KIAA1217: variants seen among roughly 807,000 people sequenced by gnomAD.
KIAA1217 encodes the protein KIAA1217.
A neutral mutation model predicts 163.9 loss-of-function variants in KIAA1217; 88 were observed. The observed-to-expected ratio is 0.54, with a 90% CI of 0.45 to 0.64. The LOEUF (loss-of-function observed/expected upper bound fraction) is 0.64. Ranked by LOEUF, KIAA1217 falls within the 30% of genes least tolerant of loss-of-function variation. The pLI, the probability that KIAA1217 is intolerant of heterozygous loss-of-function variation, is 0.00. For synonymous variants in KIAA1217, 903 were observed against 923.1 expected (o/e 0.98, Z 0.39); for missense variants, 2,372 against 2,475.0 (o/e 0.96, Z 0.88).
At chr10:24,392,904 T>C (rs2055177701) in intron 3 of KIAA1217, among the ~76,000 whole-genome samples, 1 of 152,226 alleles carries the variant, frequency 6.6e-6, no homozygotes. Context: ...CATGCCTTAC[T>C]GTTTTCATAA....
intron 2 of KIAA1217, among the ~76,000 whole-genome samples, chr10:24,334,090 A>C (rs1184470180): frequency 6.6e-6 from 1 of 152,194 alleles, no homozygotes; most frequent in Non-Finnish European, 1.5e-5. Context: ...CTTTAAAATT[A>C]TGAGCAATTG....
At chr10:24,461,756 CGTT>C (rs2062431118) in intron 5 of KIAA1217, among the ~76,000 whole-genome samples, 1 of 152,156 alleles carries the variant, frequency 6.6e-6, no homozygotes. Context: ...TTAATTCTCA[CGTT>C]GTTGTAATCA....
intron 1 of KIAA1217, among the ~76,000 whole-genome samples, chr10:23,966,096 A>G (rs1845055759): frequency 6.6e-6 from 1 of 152,106 alleles, no homozygotes; most frequent in Non-Finnish European, 1.5e-5. Context: ...TGGGCTGTGC[A>G]GTCTCACTGA....
At chr10:23,959,219 C>T (rs1844710428) in intron 1 of KIAA1217, among the ~76,000 whole-genome samples, 1 of 152,058 alleles carries the variant, frequency 6.6e-6, no homozygotes, top group Non-Finnish European at 1.5e-5. Flanking sequence ...TTGCCTGGTT[C>T]ATGGCTGAGG....
chr10:24,258,183 C>A (rs374363851), intron 2 of KIAA1217, among the ~76,000 whole-genome samples: 1 of 151,382 alleles, frequency 6.6e-6, no homozygotes, highest in African/African-American at 2.4e-5. Context: ...CCTGTCCCCT[C>A]AACCTAACTC....
chr10:24,545,003 CG>C lies in KIAA1217; in HGVS notation c.5235del (p.Ser1746AlafsTer7). 6.2e-7 allele frequency: 1 copy of C among 1,614,110 alleles called. No homozygotes were observed. The highest frequency in any genetic ancestry group is 8.5e-7 in the Non-Finnish European group (1 of 1,179,990). On this transcript the variant is annotated frameshift_variant, in exon 20 of 21. Coordinates refer to ENST00000376454, the MANE Select transcript of KIAA1217 (RefSeq NM_019590.5). LOFTEE classifies it high-confidence loss of function. Reference protein sequence around the residue: ...SRKGSSGAPQTSRMPVPMSAK... With the variant: ...SRKGSSGAPQXSRMPVPMSAK... ...CAGGGCTCCAGCGGGGCCCCACAGACGAGCAGGATGCCTGTCCCCATGAGTG... is the reference window on the plus strand; with the variant it reads ...CAGGGCTCCAGCGGGGCCCCACAGACAGCAGGATGCCTGTCCCCATGAGTG...
intron 1 of KIAA1217, among the ~76,000 whole-genome samples, chr10:23,901,597 A>ATCAT (rs1177925359): frequency 3.3e-5 from 5 of 152,020 alleles, no homozygotes; most frequent in African/African-American, 1.2e-4. Flanking sequence ...ATTGTACCAT[A>ATCAT]TCATTAATCA....
intron 1 of KIAA1217, among the ~76,000 whole-genome samples, chr10:23,847,362 T>A (rs2131084666): frequency 6.6e-6 from 1 of 152,236 alleles, no homozygotes; most frequent in Admixed American, 6.5e-5. Context: ...TTCGGTCTCG[T>A]CCTAGACTTT....
intron 1 of KIAA1217, among the ~76,000 whole-genome samples, chr10:23,991,822 A>G (rs889083048): frequency 3.3e-5 from 5 of 152,144 alleles, no homozygotes; most frequent in Non-Finnish European, 5.9e-5. Context: ...GTCAGATAGG[A>G]AAATAATCTG....
At chr10:24,270,373 GAT>G (rs1370254820) in intron 2 of KIAA1217, among the ~76,000 whole-genome samples, 1 of 152,114 alleles carries the variant, frequency 6.6e-6, no homozygotes, top group Non-Finnish European at 1.5e-5. Flanking sequence ...TGGGCTGTTA[GAT>G]AAAATATTTA....
chr10:24,005,779 T>A (rs1014963230), intron 1 of KIAA1217, among the ~76,000 whole-genome samples: 1 of 152,126 alleles, frequency 6.6e-6, no homozygotes, highest in Non-Finnish European at 1.5e-5. Flanking sequence ...GAACTTAGTG[T>A]GGTGAATGGA....
intron 2 of KIAA1217, chr10:24,239,258 G>T: frequency 1.0e-6 from 1 of 985,426 alleles, no homozygotes; most frequent in Non-Finnish European, 1.2e-6. Context: ...AGACCCTGGA[G>T]TCCGTTCCAG....
At chr10:23,939,780 T>G (rs1002843112) in intron 1 of KIAA1217, among the ~76,000 whole-genome samples, 8 of 151,618 alleles carry the variant, frequency 5.3e-5, no homozygotes, top group African/African-American at 1.9e-4. Context: ...GGAACATACA[T>G]AAAACATTCT....
chr10:24,359,095 T>G (rs1045843081), intron 2 of KIAA1217, among the ~76,000 whole-genome samples: 4 of 144,200 alleles, frequency 2.8e-5, no homozygotes, highest in Admixed American at 6.9e-5. Flanking sequence ...TTTTTTTTTT[T>G]TTTTGTTTTT....
intron 1 of KIAA1217, among the ~76,000 whole-genome samples, chr10:23,801,316 G>A (rs565630734): frequency 2.6e-5 from 4 of 152,106 alleles, no homozygotes; most frequent in Admixed American, 2.6e-4. Context: ...AACACACTGG[G>A]GCCTGTCGTG....
In KIAA1217 at chr10:23,698,835, A is replaced by T. The variant is rs973533551; in HGVS notation, c.-321+3601A>T. Among the ~76,000 whole-genome samples the T allele has an allele frequency of 4.6e-5, 7 of 152,012 alleles. No homozygotes were observed. The South Asian group carries it at 1.5e-3, about 32-fold the overall frequency. On this transcript the variant is annotated intron_variant, in intron 1 of 18. Transcript: ENST00000376462. ...GGTCTTGCTCTATCGTCCAAGCTAG[A>T]GTACAGTGGCATGATCTCTGCTTAC...
intron 2 of KIAA1217, among the ~76,000 whole-genome samples, chr10:24,364,713 C>A (rs141573340): frequency 6.6e-6 from 1 of 152,034 alleles, no homozygotes; most frequent in Non-Finnish European, 1.5e-5. Flanking sequence ...CTCCACAGTT[C>A]GGAGGCTTTG....
intron 2 of KIAA1217, among the ~76,000 whole-genome samples, chr10:24,197,850 T>G (rs1344353516): frequency 3.3e-5 from 5 of 152,266 alleles, no homozygotes; most frequent in African/African-American, 1.2e-4. Context: ...CCATGGTGCT[T>G]GCAGGACACA....
chr10:24,256,204 A>G (rs148606212), intron 2 of KIAA1217, among the ~76,000 whole-genome samples: 1,536 of 152,236 alleles, frequency 0.01, 15 homozygotes, highest in Middle Eastern at 0.017. Flanking sequence ...GGCATGTCCC[A>G]TCTTGTTCCT....
Sources: allele counts gnomAD v4.1 joint callset (sites outside exome capture counted in the v4.1 genomes callset), GRCh38; gene constraint gnomAD v4.1.1; transcripts MANE v1.5; gene names NCBI Gene and HGNC (gene_info 2026-07-23, HGNC 2026-07-21).